The following KIAA1671 variants were observed in gnomAD, a reference collection of about 807,000 sequenced individuals.
The protein encoded by KIAA1671 is uncharacterized protein KIAA1671.
In KIAA1671, 52 loss-of-function variants were observed where a neutral mutation model predicts 131.2. The observed-to-expected ratio is 0.40, with a 90% confidence interval of 0.32 to 0.50. KIAA1671 has a LOEUF of 0.50. KIAA1671 is among the 20% of genes least tolerant of loss of function. The pLI, the probability that KIAA1671 is intolerant of heterozygous loss-of-function variation, is 0.73. For missense variants in KIAA1671, 2,360 were observed against 2,364.2 expected (o/e 1.00, Z 0.04); for synonymous variants, 1,003 against 961.6 (o/e 1.04, Z -0.80).
intron 1 of KIAA1671, among the ~76,000 whole-genome samples, chr22:24,963,314 A>G (rs1717825471): frequency 6.7e-6 from 1 of 149,924 alleles, no homozygotes; most frequent in African/African-American, 2.5e-5. Flanking sequence ...CAGTGAGCCA[A>G]GATCACGCCA....
At chr22:25,172,904 T>C (rs1028564388) in intron 7 of KIAA1671, among the ~76,000 whole-genome samples, 1 of 152,192 alleles carries the variant, frequency 6.6e-6, no homozygotes, top group Non-Finnish European at 1.5e-5. Flanking sequence ...TTCCTCACCT[T>C]TAACAAGGTG....
chr22:25,125,688 C>T (rs9612870), intron 6 of KIAA1671, among the ~76,000 whole-genome samples: 21,821 of 152,208 alleles, frequency 0.14, 1,569 homozygotes, highest in South Asian at 0.19. Context: ...CCTTCCCATC[C>T]CCAGTTGTGA....
At chr22:25,020,026 T>C (rs1462448584) in intron 1 of KIAA1671, among the ~76,000 whole-genome samples, 2 of 152,210 alleles carry the variant, frequency 1.3e-5, no homozygotes, top group African/African-American at 2.4e-5. Context: ...TTTGTGCATA[T>C]AACTTTTCTT....
intron 6 of KIAA1671, among the ~76,000 whole-genome samples, chr22:25,098,974 A>G (rs1416312268): frequency 1.3e-5 from 2 of 152,014 alleles, no homozygotes; most frequent in African/African-American, 4.8e-5. Context: ...GCAAGTGGAG[A>G]CCATTCCTCA....
chr22:25,132,528 G>A (rs1251918763), intron 6 of KIAA1671, among the ~76,000 whole-genome samples: 1 of 152,236 alleles, frequency 6.6e-6, no homozygotes, highest in African/African-American at 2.4e-5. Flanking sequence ...TATCTGTAAT[G>A]TGTTTCAGGA....
intron 9 of KIAA1671, among the ~76,000 whole-genome samples, chr22:25,180,124 G>A (rs1320614795): frequency 1.5e-5 from 2 of 133,826 alleles, no homozygotes; most frequent in African/African-American, 2.7e-5. Context: ...ACAGTTACGT[G>A]TTGCTCAAGC....
intron 6 of KIAA1671, among the ~76,000 whole-genome samples, chr22:25,097,696 C>T (rs548968752): frequency 1.1e-3 from 162 of 151,274 alleles, no homozygotes; most frequent in African/African-American, 3.6e-3. Flanking sequence ...GCCGAGATCG[C>T]GCCATTGCAC....
intron 6 of KIAA1671, among the ~76,000 whole-genome samples, chr22:25,135,820 C>T (rs1181710111): frequency 6.6e-6 from 1 of 152,240 alleles, no homozygotes; most frequent in Non-Finnish European, 1.5e-5. Flanking sequence ...CACGTCACGA[C>T]AGCATCACCA....
At chr22:25,177,261 G>C (rs1342791043) in intron 8 of KIAA1671, 87 bp from the exon 9 acceptor site, 3 of 1,295,210 alleles carry the variant, frequency 2.3e-6, no homozygotes, top group Non-Finnish European at 3.1e-6. Context: ...ATCTGTCAAC[G>C]AAGCTGTGTA....
At position 25,029,465 on chromosome 22, in the gene KIAA1671, A is replaced by C; in HGVS notation, c.1466A>C (p.Glu489Ala). ...VQERIRGWTA[E>A]SSEAKPEVRR... ...GAACGGATCAGAGGCTGGACTGCCG[A>C]GAGCTCAGAGGCTAAGCCCGAGGTC... Residue 489 changes from glutamate to alanine, a missense_variant, in exon 3 of 13, where the codon GAG (glutamate) becomes GCG (alanine). By Grantham distance (107) the Glu-to-Ala change is moderately radical (BLOSUM62 -1). Around this residue, in one of 3 missense-constraint regions of KIAA1671, gnomAD observed 1,185 missense variants for 1,126.2 expected, o/e 1.05. Transcript: ENST00000358431. 6.4e-7 allele frequency: 1 copy of C among 1,551,326 alleles called. No homozygotes were observed. The highest frequency in any genetic ancestry group is 8.7e-7 in the Non-Finnish European group (1 of 1,146,832).
intron 6 of KIAA1671, among the ~76,000 whole-genome samples, chr22:25,165,330 G>A (rs180720198): frequency 6.2e-4 from 94 of 152,242 alleles, no homozygotes; most frequent in African/African-American, 2.2e-3. Context: ...GAAGTAGCTC[G>A]TCCAAGGTCA....
intron 1 of KIAA1671, among the ~76,000 whole-genome samples, chr22:24,979,043 T>C (rs984191180): frequency 6.6e-6 from 1 of 151,366 alleles, no homozygotes; most frequent in Non-Finnish European, 1.5e-5. Flanking sequence ...TTGCCCAGGC[T>C]GGAGTGCAGT....
At chr22:25,095,250 G>A (rs1243193525) in intron 6 of KIAA1671, among the ~76,000 whole-genome samples, 3 of 152,184 alleles carry the variant, frequency 2.0e-5, no homozygotes, top group Non-Finnish European at 4.4e-5. Context: ...GGTAGGTGTG[G>A]TTCTTATGAA....
intron 6 of KIAA1671, among the ~76,000 whole-genome samples, chr22:25,099,331 T>G (rs1930538648): frequency 6.6e-6 from 1 of 152,086 alleles, no homozygotes. Context: ...AGCAAGGAGC[T>G]GGAGGGCCAG....
Position 25,130,082 on chromosome 22 carries a change from A to T in KIAA1671, c.4531-40738A>T, listed in dbSNP as rs565661923. Among the ~76,000 whole-genome samples, 6 of 152,316 alleles carry T rather than the reference A, an allele frequency of 3.9e-5. No individual in the cohort carries two copies. In the East Asian group the frequency reaches 5.8e-4, roughly 15 times the overall value. On this transcript the variant is annotated intron_variant, in intron 6 of 12. Coordinates refer to ENST00000358431, the MANE Select transcript of KIAA1671 (RefSeq NM_001145206.2). ...GGAGTGAGATGTCAGCTCTATAAAA[A>T]TTTTTTTAAATAAATAAGCAATTAT... is the stretch of plus-strand genomic sequence containing the variant.
At chr22:25,014,564 C>T (rs1925206807) in intron 1 of KIAA1671, 1 of 152,074 alleles carries the variant, frequency 6.6e-6, no homozygotes, top group Non-Finnish European at 1.5e-5. Flanking sequence ...ACCACCATAC[C>T]CAGTAAGTTA....
At chr22:24,955,266 A>T (rs1230716837) in intron 1 of KIAA1671, among the ~76,000 whole-genome samples, 1 of 152,144 alleles carries the variant, frequency 6.6e-6, no homozygotes, top group Non-Finnish European at 1.5e-5. Flanking sequence ...ATTTCAAGAC[A>T]CTGTGTCAAA....
At chr22:25,096,893 G>A (rs889599088) in intron 6 of KIAA1671, among the ~76,000 whole-genome samples, 4 of 152,186 alleles carry the variant, frequency 2.6e-5, no homozygotes, top group African/African-American at 9.7e-5. Flanking sequence ...CTTCATCAGT[G>A]TCTCTCACTT....
chr22:25,007,411 G>C (rs1250229266), intron 1 of KIAA1671, among the ~76,000 whole-genome samples: 2 of 151,320 alleles, frequency 1.3e-5, no homozygotes. Context: ...ACTTGAACCT[G>C]GGAGGTGGAG....
Sources: gnomAD v4.1 joint callset for allele counts (sites outside exome capture counted in the v4.1 genomes callset) on GRCh38, gnomAD v4.1.1 for gene constraint, gnomAD v4.1.1 regional missense constraint, MANE v1.5 for transcripts, NCBI Gene and HGNC (gene_info 2026-07-23, HGNC 2026-07-21) for gene names.